FGD5: variants seen among roughly 807,000 people sequenced by gnomAD.
FGD5 encodes FYVE, RhoGEF and PH domain-containing protein 5.
A neutral mutation model predicts 133.4 loss-of-function variants in FGD5; 28 were observed. That is an observed-to-expected ratio of 0.21 (90% CI 0.16 to 0.29). The LOEUF (loss-of-function observed/expected upper bound fraction) is 0.29, where lower values mean the gene tolerates loss of function less well. FGD5 is among the 10% of genes least tolerant of loss of function. FGD5 has a pLI of 1.00. For missense variants in FGD5, 1,858 were observed against 1,895.2 expected, an observed-to-expected ratio of 0.98 and a Z score of 0.36; for synonymous variants, 810 against 776.5, an observed-to-expected ratio of 1.04 and a Z score of -0.72.
intron 10 of FGD5, among the ~76,000 whole-genome samples, chr3:14,907,964 C>T (rs2038371472): frequency 6.6e-6 from 1 of 152,200 alleles, no homozygotes; most frequent in Admixed American, 6.5e-5. Context: ...TTCTGTGTTC[C>T]CTGTGGCTCT....
Position 14,922,182 on chromosome 3 carries a change from C to A in FGD5, c.3669+165C>A. ...TGCTCCCACCCTAGTCAGGGGCGGC[C>A]TCCGTGTAACCTAGGAGCCCAGCAC... On this transcript the variant is annotated intron_variant, in intron 14 of 19. Coordinates refer to ENST00000285046, the MANE Select transcript of FGD5 (RefSeq NM_152536.4). This position sits in a 1 kb window ranked among gnomAD's most constrained non-coding sequence, Gnocchi z 4.1. 2.0e-6 allele frequency: 2 copies of A among 980,684 alleles called. No homozygotes were observed. Among genetic ancestry groups the A allele is most frequent in the Non-Finnish European group, 3.0e-6 (2 of 663,510 alleles). 60.7% of individuals were successfully genotyped at this position (980,684 alleles called of 1,614,324 possible).
intron 1 of FGD5, among the ~76,000 whole-genome samples, chr3:14,846,542 G>A (rs1306569464): frequency 2.6e-5 from 4 of 152,190 alleles, no homozygotes; most frequent in Admixed American, 2.0e-4. Flanking sequence ...CCAGACACCC[G>A]GCCACAGGCC....
chr3:14,931,623 G>A (rs1248394656), intron 18 of FGD5: 1 of 152,142 alleles, frequency 6.6e-6, no homozygotes, highest in African/African-American at 2.4e-5. Context: ...TTACATAACT[G>A]TGTATAAAAA....
rs974161513 is a variant in FGD5 at position 14,917,803 on chromosome 3, C to G, written c.3489+471C>G. On this transcript the variant is annotated intron_variant, in intron 12 of 19. Transcript: ENST00000285046. This position sits in a 1 kb window ranked among gnomAD's most constrained non-coding sequence, Gnocchi z 4.1. ...TCTTTCCTCTCCCCAGACTGAAACT[C>G]TGCCCACATTAAAAACCAACTCTCC... is the stretch of plus-strand genomic sequence containing the variant. Among the ~76,000 whole-genome samples the G allele has an allele frequency of 3.3e-5, 5 of 152,348 alleles. No individual in the cohort carries two copies. In the East Asian group the frequency reaches 7.7e-4, roughly 23 times the overall value.
At chr3:14,854,378 G>GTTTCT (rs1230726653) in intron 1 of FGD5, among the ~76,000 whole-genome samples, 1 of 147,514 alleles carries the variant, frequency 6.8e-6, no homozygotes, top group Non-Finnish European at 1.5e-5. Context: ...TTTATTTTTT[G>GTTTCT]TTTCTTTTCT....
intron 9 of FGD5, among the ~76,000 whole-genome samples, chr3:14,906,423 C>T (rs562564776): frequency 6.6e-6 from 1 of 152,214 alleles, no homozygotes; most frequent in Non-Finnish European, 1.5e-5. Context: ...TGCAGCTTTC[C>T]TCTCTTTCCC....
chr3:14,932,643 A>G lies in FGD5; in HGVS notation c.4264A>G (p.Ser1422Gly). 1 of 1,614,066 alleles carries G rather than the reference A, an allele frequency of 6.2e-7. No homozygotes were observed. The highest frequency in any genetic ancestry group is 2.2e-5 in the East Asian group (1 of 44,894). ...FTIAPEKEEG[S>G]SEVGPIFHLY... ...CATTGCTCCAGAAAAGGAAGAGGGC[A>G]GCAGTGAAGTAGGACCTATTTTTCA... The change falls in exon 19 of 20, where the codon AGC becomes GGC. Residue 1422 changes from serine (S) to glycine (G), a missense_variant. Ser to Gly is a moderately conservative substitution (Grantham distance 56, BLOSUM62 0). Around this residue, in one of 3 missense-constraint regions of FGD5, gnomAD observed 1,824 missense variants for 1,848.9 expected, o/e 0.99. Coordinates refer to ENST00000285046, the MANE Select transcript of FGD5 (RefSeq NM_152536.4).
chr3:14,918,615 A>G, intron 12 of FGD5, 139 bp from the exon 13 acceptor site: 3 of 793,304 alleles, frequency 3.8e-6, no homozygotes, highest in Non-Finnish European at 4.1e-6. Context: ...AGCACCTACC[A>G]TCACAGAAAG....
intron 11 of FGD5, among the ~76,000 whole-genome samples, chr3:14,915,880 C>G (rs1468960741): frequency 6.6e-6 from 1 of 151,654 alleles, no homozygotes; most frequent in Non-Finnish European, 1.5e-5. Flanking sequence ...GTCATTTGTA[C>G]AGGGCTCACC....
chr3:14,844,217 AATATATATATATATATAT>A lies in FGD5; in HGVS notation c.2526-19873_2526-19856del, dbSNP rs869290486. Among the ~76,000 whole-genome samples, 67 of 20,368 alleles carry A rather than the reference AATATATATATATATATAT, an allele frequency of 3.3e-3. 2 individuals are homozygous for A. Among genetic ancestry groups the A allele is most frequent in the African/African-American group, 7.6e-3 (37 of 4,844 alleles). 13.4% of individuals were successfully genotyped at this position (20,368 alleles called of 152,430 possible). A position where few individuals can be genotyped will look rare whatever the true frequency, so the allele number is the denominator to read the frequency against. ...CTTAATAGGCATTAAAAAAAAAAAA[AATATATATATATATATAT>A]ATATATATATATATATATATATATA... On this transcript the variant is annotated intron_variant, in intron 1 of 19. Transcript: ENST00000285046.
rs139753880 is a variant in FGD5, at chr3:14,904,218, T to C, written c.3264+3157T>C. On this transcript the variant is annotated intron_variant, in intron 9 of 19. Coordinates refer to ENST00000285046, the MANE Select transcript of FGD5 (RefSeq NM_152536.4). ...TGCCCTTTGGAAGAAAGTCAGTTTG[T>C]GCAGCCCATTCTTAGGAGCGGGGGG... 2.8e-3 allele frequency among the ~76,000 whole-genome samples: 429 copies of C among 152,296 alleles called. 2 individuals are homozygous for C. Among genetic ancestry groups the C allele is most frequent in the African/African-American group, 0.01 (422 of 41,558 alleles).
Position 14,922,566 on chromosome 3 carries a change from G to T in FGD5, c.3807+18G>T, listed in dbSNP as rs774630194. The T allele has an allele frequency of 2.6e-6, 4 of 1,567,648 alleles. No individual in the cohort carries two copies. Among genetic ancestry groups the T allele is most frequent in the East Asian group, 2.3e-5 (1 of 42,648 alleles). On this transcript the variant is annotated intron_variant, in intron 15 of 19. Coordinates refer to ENST00000285046, the MANE Select transcript of FGD5 (RefSeq NM_152536.4). This position sits in a 1 kb window ranked among gnomAD's most constrained non-coding sequence, Gnocchi z 4.1. ...GTGGCAAGGTGAGTCGCTGCATCTG[G>T]GGTGAGTGTGTGCATGGGGGTGGGG...
intron 2 of FGD5, among the ~76,000 whole-genome samples, chr3:14,874,670 T>G (rs905798726): frequency 2.0e-5 from 3 of 152,134 alleles, no homozygotes; most frequent in African/African-American, 7.2e-5. Flanking sequence ...TTCAGCAGGT[T>G]GGAGGCCAAG....
At position 14,898,759 on chromosome 3, in the gene FGD5, C is replaced by T; in HGVS notation, c.3087C>T (p.Ser1029=). 6.3e-7 allele frequency: 1 copy of T among 1,585,758 alleles called. No homozygotes were observed. The highest frequency in any genetic ancestry group is 8.6e-7 in the Non-Finnish European group (1 of 1,166,428). The part of the protein sequence containing the change: ...REFEQSVQGG[S]QTAKHRLLRV... ...AGCAGCAGAGTGTACAAGGAGGCAGCCAGACTGCGAAGCATCGGCTGCTGC... is the reference window on the plus strand; with the variant it reads ...AGCAGCAGAGTGTACAAGGAGGCAGTCAGACTGCGAAGCATCGGCTGCTGC... Residue 1029 remains serine, a synonymous_variant, in exon 7 of 20, where the codon AGC becomes AGT. Coordinates refer to ENST00000285046, the MANE Select transcript of FGD5 (RefSeq NM_152536.4).
chr3:14,872,748 G>C (rs1484965590), intron 2 of FGD5, among the ~76,000 whole-genome samples: 3 of 152,220 alleles, frequency 2.0e-5, no homozygotes, highest in African/African-American at 7.2e-5. Flanking sequence ...CCTCAAACCA[G>C]CCAGAGCCAG....
intron 2 of FGD5, among the ~76,000 whole-genome samples, chr3:14,880,180 C>G (rs1173575724): frequency 6.6e-6 from 1 of 151,956 alleles, no homozygotes; most frequent in Non-Finnish European, 1.5e-5. Flanking sequence ...TAATGAGACC[C>G]TGTCTCTACA....
At chr3:14,892,639 G>A (rs1197944401) in intron 4 of FGD5, among the ~76,000 whole-genome samples, 2 of 152,130 alleles carry the variant, frequency 1.3e-5, no homozygotes, top group African/African-American at 4.8e-5. Context: ...CCAACATGGT[G>A]AAACTCTGTC....
At chr3:14,861,076 C>T (rs967827010) in intron 1 of FGD5, among the ~76,000 whole-genome samples, 7 of 152,110 alleles carry the variant, frequency 4.6e-5, no homozygotes, top group African/African-American at 1.7e-4. Flanking sequence ...GAGTTGGTAG[C>T]AAGTGTTATA....
chr3:14,854,542 A>G (rs1575210212), intron 1 of FGD5, among the ~76,000 whole-genome samples: 1 of 152,002 alleles, frequency 6.6e-6, no homozygotes, highest in South Asian at 2.1e-4. Context: ...TAGCCTCCCA[A>G]GTAGCTAGGA....
Sources: gnomAD v4.1 joint callset for allele counts (sites outside exome capture counted in the v4.1 genomes callset) on GRCh38, gnomAD v4.1.1 for gene constraint, gnomAD v4.1.1 regional missense constraint, Gnocchi (gnomAD v3.1) non-coding constraint, MANE v1.5 for transcripts, NCBI Gene and HGNC (gene_info 2026-07-23, HGNC 2026-07-21) for gene names.